Variants in BNC2 observed in about 807,000 individuals in gnomAD.
The protein encoded by BNC2 is basonuclin zinc finger protein 2, also known as zinc finger protein basonuclin-2.
In BNC2, 20 loss-of-function variants were observed where a neutral mutation model predicts 76.3. That is an observed-to-expected ratio of 0.26 (90% CI 0.18 to 0.38). The LOEUF is 0.38. BNC2 is among the 10% of genes least tolerant of loss of function. The pLI is 1.00. For synonymous variants in BNC2, 582 were observed against 514.8 expected, an observed-to-expected ratio of 1.13 and a Z score of -1.77; for missense variants, 1,382 against 1,399.8, an observed-to-expected ratio of 0.99 and a Z score of 0.20.
Position 16,870,632 on chromosome 9 carries a change from T to A in BNC2, c.3+14A>T, listed in dbSNP as rs547213670. The stretch of plus-strand genomic sequence containing the variant: ...GTCTAGAATAAAAGAGGAAGGAGGG[T>A]GGAAACTTCTTACCATCTCGGCATG... On this transcript the variant is annotated intron_variant, in intron 1 of 6. Coordinates refer to ENST00000380672, the MANE Select transcript of BNC2 (RefSeq NM_017637.6). 5 of 1,609,750 alleles carry A rather than the reference T, an allele frequency of 3.1e-6. No homozygotes were observed. Among genetic ancestry groups the A allele is most frequent in the African/African-American group, 1.4e-5 (1 of 74,044 alleles).
intron 6 of BNC2, among the ~76,000 whole-genome samples, chr9:16,428,128 T>G (rs1301140490): frequency 2.0e-5 from 3 of 152,162 alleles, no homozygotes; most frequent in Admixed American, 2.0e-4. Flanking sequence ...GACTGCTGAA[T>G]GAAATAATTT....
chr9:16,727,921 G>T lies in BNC2; in HGVS notation c.206C>A (p.Thr69Asn), dbSNP rs1384908174. 1 of 1,614,146 alleles carries T rather than the reference G, an allele frequency of 6.2e-7. No individual in the cohort carries two copies. Among genetic ancestry groups the T allele is most frequent in the East Asian group, 2.2e-5 (1 of 44,864 alleles). ...DREPKRARDL[T>N]LRDSCTDNSM... is the part of the protein sequence containing the mutation. ...GTTGTCAGTACAGGAGTCTCTTAAA[G>T]TCAAGTCTCTTGCCCTCTTTGGCTC... Residue 69 changes from threonine to asparagine, a missense_variant, in exon 3 of 7, where the codon ACT (threonine) becomes AAT (asparagine). This residue lies in a region of BNC2 where 557 missense variants were observed against 540.9 expected (regional missense o/e 1.03). Coordinates refer to ENST00000380672, the MANE Select transcript of BNC2 (RefSeq NM_017637.6).
chr9:16,451,466 A>G (rs1330299917), intron 5 of BNC2, among the ~76,000 whole-genome samples: 1 of 151,688 alleles, frequency 6.6e-6, no homozygotes, highest in Non-Finnish European at 1.5e-5. Context: ...TACACAGAAT[A>G]AATAATAAAT....
intron 4 of BNC2, among the ~76,000 whole-genome samples, chr9:16,562,991 A>C (rs1290410876): frequency 2.0e-5 from 3 of 152,182 alleles, no homozygotes; most frequent in African/African-American, 7.2e-5. Context: ...GCATTCCATA[A>C]CTTATTGATA....
At chr9:16,760,030 GA>G (rs1225197475) in intron 1 of BNC2, among the ~76,000 whole-genome samples, 1 of 152,158 alleles carries the variant, frequency 6.6e-6, no homozygotes, top group Non-Finnish European at 1.5e-5. Context: ...GCCAGAGACA[GA>G]AACTCTTACG....
chr9:16,820,955 G>T (rs990121675), intron 1 of BNC2, among the ~76,000 whole-genome samples: 1 of 152,100 alleles, frequency 6.6e-6, no homozygotes. Context: ...AGAACTTTGG[G>T]AGGCCGAGGC....
At chr9:16,736,037 C>G (rs1202830456) in intron 2 of BNC2, among the ~76,000 whole-genome samples, 1 of 151,360 alleles carries the variant, frequency 6.6e-6, no homozygotes, top group Non-Finnish European at 1.5e-5. Context: ...AGTTTAAGAC[C>G]AGTATGGCCA....
intron 1 of BNC2, among the ~76,000 whole-genome samples, chr9:16,813,101 G>A (rs1341654258): frequency 1.3e-5 from 2 of 151,966 alleles, no homozygotes; most frequent in Non-Finnish European, 1.5e-5. Context: ...GGAAGGCTGA[G>A]GCAGGAGAAT....
chr9:16,742,377 G>T (rs532113006), intron 1 of BNC2, among the ~76,000 whole-genome samples: 3 of 152,314 alleles, frequency 2.0e-5, no homozygotes, highest in Admixed American at 2.0e-4. Context: ...GTGGTCCAAA[G>T]TCACACCAGC....
At chr9:16,440,649 C>G (rs930818984) in intron 5 of BNC2, among the ~76,000 whole-genome samples, 5 of 152,180 alleles carry the variant, frequency 3.3e-5, no homozygotes, top group African/African-American at 1.2e-4. Context: ...TTCCATCACC[C>G]TTTATCTTCT....
chr9:16,722,678 G>A (rs1198813544), intron 3 of BNC2, among the ~76,000 whole-genome samples: 1 of 152,090 alleles, frequency 6.6e-6, no homozygotes, highest in African/African-American at 2.4e-5. Flanking sequence ...GAATCATGTT[G>A]AAAATAAACT....
chr9:16,773,783 T>C (rs1452962207), intron 1 of BNC2, among the ~76,000 whole-genome samples: 1 of 152,156 alleles, frequency 6.6e-6, no homozygotes, highest in Non-Finnish European at 1.5e-5. Flanking sequence ...TTCATACACC[T>C]ACATGCCAAA....
chr9:16,437,353 C>A lies in BNC2; in HGVS notation c.841G>T (p.Asp281Tyr). The A allele has an allele frequency of 6.2e-7, 1 of 1,614,044 alleles. No homozygotes were observed. Among genetic ancestry groups the A allele is most frequent in the Non-Finnish European group, 8.5e-7 (1 of 1,179,902 alleles). Residue 281 changes from aspartate to tyrosine, a missense_variant, in exon 6 of 7, where the codon GAT becomes TAT. Around this residue, in one of 3 missense-constraint regions of BNC2, gnomAD observed 557 missense variants for 540.9 expected, o/e 1.03. Coordinates refer to ENST00000380672, the MANE Select transcript of BNC2 (RefSeq NM_017637.6). The part of the protein sequence containing the change: ...VAVPSSKTDS[D>Y]IRTFIESNNR... Reference sequence around the variant, plus strand: ...TTGCTCTCAATGAAAGTCCTTATATCTGAGTCTGTCTTTGAAGATGGTACA... The same window carrying A: ...TTGCTCTCAATGAAAGTCCTTATATATGAGTCTGTCTTTGAAGATGGTACA...
At chr9:16,660,211 T>C (rs186444086) in intron 3 of BNC2, among the ~76,000 whole-genome samples, 1 of 152,168 alleles carries the variant, frequency 6.6e-6, no homozygotes, top group Non-Finnish European at 1.5e-5. Flanking sequence ...TCCCAGCACT[T>C]CGGGAGGCCG....
At chr9:16,692,156 T>C (rs937133012) in intron 3 of BNC2, among the ~76,000 whole-genome samples, 3 of 152,198 alleles carry the variant, frequency 2.0e-5, no homozygotes, top group South Asian at 4.1e-4. Context: ...TATTATTCTA[T>C]TGGTTTGCAA....
At chr9:16,718,059 T>C (rs765413092) in intron 3 of BNC2, among the ~76,000 whole-genome samples, 2 of 152,224 alleles carry the variant, frequency 1.3e-5, no homozygotes, top group Non-Finnish European at 2.9e-5. Context: ...TGGCCCGGGA[T>C]GCAGGATATG....
At chr9:16,464,766 T>A (rs1243514498) in intron 5 of BNC2, among the ~76,000 whole-genome samples, 1 of 152,174 alleles carries the variant, frequency 6.6e-6, no homozygotes, top group East Asian at 1.9e-4. Context: ...CATTATATGA[T>A]GTGATGCAAT....
intron 6 of BNC2, among the ~76,000 whole-genome samples, chr9:16,433,131 A>G (rs975434173): frequency 6.6e-6 from 1 of 152,166 alleles, no homozygotes; most frequent in East Asian, 1.9e-4. Flanking sequence ...ATAACATTAT[A>G]TTAATTCAAG....
chr9:16,859,198 G>A (rs1819336087), intron 1 of BNC2, among the ~76,000 whole-genome samples: 1 of 150,702 alleles, frequency 6.6e-6, no homozygotes, highest in African/African-American at 2.4e-5. Context: ...AAAAAAACAG[G>A]AAATAATAAG....
Sources: allele counts gnomAD v4.1 joint callset (sites outside exome capture counted in the v4.1 genomes callset), GRCh38; gene constraint gnomAD v4.1.1; regional missense constraint gnomAD v4.1.1; transcripts MANE v1.5; gene names NCBI Gene and HGNC (gene_info 2026-07-23, HGNC 2026-07-21).